Variants in FAM81A observed in about 807,000 individuals in gnomAD.
FAM81A encodes protein FAM81A.
Under a neutral mutation model 46.7 loss-of-function variants are expected in FAM81A, and 19 were observed. The observed-to-expected ratio is 0.41, with a 90% CI of 0.28 to 0.60. The LOEUF (loss-of-function observed/expected upper bound fraction) is 0.60, where lower values mean the gene tolerates loss of function less well. FAM81A is among the 20% of genes least tolerant of loss of function. The pLI is 0.34. For missense variants in FAM81A, 377 were observed against 453.5 expected (o/e 0.83, Z 1.53); for synonymous variants, 183 against 152.9 (o/e 1.20, Z -1.45).
intron 1 of FAM81A, among the ~76,000 whole-genome samples, chr15:59,452,991 G>T (rs1320142027): frequency 1.3e-5 from 2 of 152,144 alleles, no homozygotes; most frequent in Admixed American, 1.3e-4. Flanking sequence ...TTGAACTCCT[G>T]GGCTCAAGTG....
intron 1 of FAM81A, among the ~76,000 whole-genome samples, chr15:59,448,778 T>C (rs2081379444): frequency 6.6e-6 from 1 of 152,158 alleles, no homozygotes; most frequent in Non-Finnish European, 1.5e-5. Flanking sequence ...CTTAGGCTCC[T>C]GAGTATCTTG....
At position 59,432,142 on chromosome 15, in the gene FAM81A, C is replaced by A. The variant is rs142438780; in HGVS notation, c.-77-26408C>A. On this transcript the variant is annotated intron_variant, in intron 2 of 4. Transcript: ENST00000558348. The stretch of plus-strand genomic sequence containing the variant: ...TTAAACACTGCATCACTCTATATGC[C>A]TTTACCTGGCAGGCATGTACTCATA... Among the ~76,000 whole-genome samples the A allele has an allele frequency of 5.0e-3, 761 of 152,112 alleles. 5 individuals carry two copies. The highest frequency in any genetic ancestry group is 0.018 in the African/African-American group (745 of 41,490).
intron 3 of FAM81A, among the ~76,000 whole-genome samples, chr15:59,489,004 G>A (rs543756108): frequency 2.0e-5 from 3 of 152,156 alleles, no homozygotes; most frequent in Admixed American, 6.6e-5. Flanking sequence ...GGTGGCTCAC[G>A]CCTGTAATCC....
At chr15:59,447,557 A>G (rs1163309652) in intron 1 of FAM81A, among the ~76,000 whole-genome samples, 2 of 152,240 alleles carry the variant, frequency 1.3e-5, no homozygotes, top group African/African-American at 4.8e-5. Context: ...CACTTCCTCA[A>G]TTGGGACAGT....
At chr15:59,517,382 A>G (rs1374189473) in intron 8 of FAM81A, among the ~76,000 whole-genome samples, 1 of 152,200 alleles carries the variant, frequency 6.6e-6, no homozygotes, top group African/African-American at 2.4e-5. Flanking sequence ...TGTGACCACT[A>G]AGTGGAAGGT....
At chr15:59,401,708 C>T (rs1378755501) in intron 1 of FAM81A, 14 of 777,246 alleles carry the variant, frequency 1.8e-5, no homozygotes, top group African/African-American at 1.4e-4. Flanking sequence ...TACTTTAGCT[C>T]GAGATTGTCC....
At chr15:59,479,878 A>G (rs546653357) in intron 3 of FAM81A, among the ~76,000 whole-genome samples, 17 of 152,350 alleles carry the variant, frequency 1.1e-4, no homozygotes, top group African/African-American at 4.1e-4. Flanking sequence ...CTGGGGCTAC[A>G]TTAGTGAATA....
At chr15:59,488,701 G>T (rs967370254) in intron 3 of FAM81A, among the ~76,000 whole-genome samples, 3 of 152,196 alleles carry the variant, frequency 2.0e-5, no homozygotes, top group Non-Finnish European at 4.4e-5. Flanking sequence ...TACTGGCCAG[G>T]TGCTGTGGCT....
At chr15:59,418,857 A>T (rs1362717235) in intron 2 of FAM81A, among the ~76,000 whole-genome samples, 2 of 152,212 alleles carry the variant, frequency 1.3e-5, no homozygotes, top group East Asian at 3.8e-4. Flanking sequence ...GCTGTGAGGA[A>T]TTAGCAAGGG....
intron 1 of FAM81A, among the ~76,000 whole-genome samples, chr15:59,398,762 A>G (rs1482290153): frequency 5.8e-5 from 6 of 104,186 alleles, no homozygotes; most frequent in African/African-American, 2.1e-4. Context: ...TGTCTCAGAA[A>G]AAAAAAAAAA....
chr15:59,418,896 T>TA (rs1364537867), intron 2 of FAM81A, among the ~76,000 whole-genome samples: 1 of 152,218 alleles, frequency 6.6e-6, no homozygotes, highest in Non-Finnish European at 1.5e-5. Context: ...TGTCCATTGA[T>TA]ATACAATTAA....
intron 4 of FAM81A, among the ~76,000 whole-genome samples, chr15:59,505,699 C>G (rs1475553771): frequency 6.6e-6 from 1 of 152,086 alleles, no homozygotes; most frequent in Admixed American, 6.6e-5. Context: ...CCTTCTGAGT[C>G]TTGTATAAAT....
chr15:59,453,974 C>A (rs560329176), intron 1 of FAM81A, among the ~76,000 whole-genome samples: 64 of 152,206 alleles, frequency 4.2e-4, no homozygotes, highest in Non-Finnish European at 7.6e-4. Flanking sequence ...TCCTGCCTGC[C>A]TGGGAGGCCC....
At chr15:59,504,486 A>G (rs1369824995) in intron 4 of FAM81A, among the ~76,000 whole-genome samples, 2 of 152,224 alleles carry the variant, frequency 1.3e-5, no homozygotes, top group Non-Finnish European at 2.9e-5. Flanking sequence ...GTTGTTGCAA[A>G]GTAAGAGTCT....
chr15:59,484,832 C>T (rs1218822864), intron 3 of FAM81A, among the ~76,000 whole-genome samples: 1 of 152,142 alleles, frequency 6.6e-6, no homozygotes, highest in East Asian at 1.9e-4. Context: ...GTCCCTGACT[C>T]CAGGCCTTGG....
In FAM81A at chr15:59,492,253, G is replaced by A. The variant is rs2081989128; in HGVS notation, c.295-18G>A. 6.3e-7 allele frequency: 1 copy of A among 1,583,766 alleles called. No individual in the cohort carries two copies. Among genetic ancestry groups the A allele is most frequent in the Admixed American group, 1.7e-5 (1 of 58,482 alleles). ...TGAATTCTTAGATGACTCCCTTAGT[G>A]TTTTTTATGTTGCCCAGGTACTCCA... is the stretch of plus-strand genomic sequence containing the variant. On this transcript the variant is annotated intron_variant, in intron 3 of 8. Coordinates refer to ENST00000288228, the MANE Select transcript of FAM81A (RefSeq NM_152450.3).
intron 8 of FAM81A, among the ~76,000 whole-genome samples, chr15:59,520,997 G>A (rs1328459619): frequency 1.3e-5 from 2 of 152,206 alleles, no homozygotes; most frequent in Admixed American, 6.5e-5. Context: ...TATGGGTGAC[G>A]TGAGATTTGA....
At chr15:59,441,889 G>A (rs1163596327) in intron 1 of FAM81A, among the ~76,000 whole-genome samples, 1 of 152,122 alleles carries the variant, frequency 6.6e-6, no homozygotes, top group Non-Finnish European at 1.5e-5. Flanking sequence ...CTCTGAGCCC[G>A]CAGTAGTATT....
At chr15:59,431,901 G>A (rs2081222107) in intron 2 of FAM81A, among the ~76,000 whole-genome samples, 1 of 152,196 alleles carries the variant, frequency 6.6e-6, no homozygotes, top group Non-Finnish European at 1.5e-5. Context: ...AGAGAATCCT[G>A]CAACCCTTTC....
Sources: allele counts gnomAD v4.1 joint callset (sites outside exome capture counted in the v4.1 genomes callset), GRCh38; gene constraint gnomAD v4.1.1; transcripts MANE v1.5; gene names NCBI Gene and HGNC (gene_info 2026-07-23, HGNC 2026-07-21).